The following EPHB1 variants were observed in gnomAD, a reference collection of about 807,000 sequenced individuals.
EPHB1 encodes the protein EPH receptor B1.
EPHB1 carries 30 observed loss-of-function variants against 94.4 expected under a neutral mutation model. The ratio of observed to expected loss-of-function variants is 0.32; its 90% CI spans 0.24 to 0.43. EPHB1 has a LOEUF of 0.43. Among genes scored for constraint, EPHB1 ranks in the 20% least tolerant of loss-of-function variants. EPHB1 has a pLI of 1.00. For missense variants in EPHB1, 1,055 were observed against 1,308.3 expected, an observed-to-expected ratio of 0.81 and a Z score of 2.99; for synonymous variants, 522 against 489.1, an observed-to-expected ratio of 1.07 and a Z score of -0.89.
chr3:135,005,614 C>G (rs530786741), intron 3 of EPHB1, among the ~76,000 whole-genome samples: 1 of 152,342 alleles, frequency 6.6e-6, no homozygotes, highest in East Asian at 1.9e-4. Context: ...AGCGAGACTC[C>G]GTGGGTGTAG....
At chr3:134,928,586 T>A (rs2038842171) in intron 2 of EPHB1, among the ~76,000 whole-genome samples, 2 of 151,812 alleles carry the variant, frequency 1.3e-5, no homozygotes, top group South Asian at 4.2e-4. Context: ...TATGCTTGGG[T>A]GGGAAGAGGA....
At chr3:135,178,183 G>A (rs4569681) in intron 9 of EPHB1, among the ~76,000 whole-genome samples, 39,519 of 148,282 alleles carry the variant, frequency 0.27, 5,607 homozygotes, top group East Asian at 0.49. Flanking sequence ...GCCAGGCGTG[G>A]TGACTCACAC....
intron 3 of EPHB1, among the ~76,000 whole-genome samples, chr3:134,952,316 T>C (rs1410194055): frequency 6.6e-6 from 1 of 151,988 alleles, no homozygotes; most frequent in Non-Finnish European, 1.5e-5. Context: ...CAGTCCATAA[T>C]ATTTAGTGTT....
intron 1 of EPHB1, among the ~76,000 whole-genome samples, chr3:134,810,345 G>A (rs1400319929): frequency 1.3e-5 from 2 of 151,246 alleles, no homozygotes; most frequent in African/African-American, 2.4e-5. Flanking sequence ...CAGTGACACT[G>A]GACCATTTAG....
At chr3:134,897,452 C>T (rs754178809) in intron 1 of EPHB1, among the ~76,000 whole-genome samples, 4 of 152,184 alleles carry the variant, frequency 2.6e-5, no homozygotes, top group Non-Finnish European at 4.4e-5. Context: ...TTACATCACA[C>T]GCAGGCCTCT....
chr3:135,249,282 A>T, intron 14 of EPHB1, 54 bp from the exon 15 acceptor site: 1 of 1,551,584 alleles, frequency 6.4e-7, no homozygotes, highest in South Asian at 1.2e-5. Flanking sequence ...AGACTGGGGC[A>T]CTGTCCATGC....
intron 10 of EPHB1, among the ~76,000 whole-genome samples, chr3:135,191,840 CG>C (rs1942464621): frequency 6.6e-6 from 1 of 152,206 alleles, no homozygotes; most frequent in South Asian, 2.1e-4. Context: ...GGGTCGGCCC[CG>C]GCTTTCCTGC....
At chr3:135,118,674 A>G (rs1939811862) in intron 4 of EPHB1, among the ~76,000 whole-genome samples, 1 of 152,170 alleles carries the variant, frequency 6.6e-6, no homozygotes, top group South Asian at 2.1e-4. Flanking sequence ...ATGGGGAAGG[A>G]TCACATTTTG....
intron 1 of EPHB1, among the ~76,000 whole-genome samples, chr3:134,888,225 A>T (rs1338554988): frequency 6.6e-6 from 1 of 152,102 alleles, no homozygotes; most frequent in Non-Finnish European, 1.5e-5. Context: ...ACTGAGTCGG[A>T]CTTGGGGAAA....
At chr3:135,132,649 CAA>C in intron 4 of EPHB1, 63 bp from the exon 5 acceptor site, 3 of 1,424,658 alleles carry the variant, frequency 2.1e-6, no homozygotes, top group Non-Finnish European at 2.8e-6. Context: ...CAGAGGCAGA[CAA>C]GAGAGCTGCC....
intron 1 of EPHB1, among the ~76,000 whole-genome samples, chr3:134,862,959 C>T (rs942480155): frequency 9.2e-5 from 14 of 152,176 alleles, no homozygotes; most frequent in Non-Finnish European, 1.5e-4. Context: ...CTCAGTGGTA[C>T]GGCTTTTCTG....
At chr3:134,824,137 T>TCC (rs1419786544) in intron 1 of EPHB1, among the ~76,000 whole-genome samples, 5 of 146,028 alleles carry the variant, frequency 3.4e-5, no homozygotes, top group South Asian at 2.2e-4. Flanking sequence ...TTTTTTTTTT[T>TCC]TTTTTTTTTT....
intron 1 of EPHB1, among the ~76,000 whole-genome samples, chr3:134,801,173 A>G (rs758970864): frequency 2.6e-5 from 4 of 152,182 alleles, no homozygotes; most frequent in Non-Finnish European, 2.9e-5. Flanking sequence ...AACACTTCAG[A>G]TCAAGCTCCA....
chr3:134,958,795 G>C (rs1156597574), intron 3 of EPHB1, among the ~76,000 whole-genome samples: 1 of 152,162 alleles, frequency 6.6e-6, no homozygotes, highest in East Asian at 1.9e-4. Context: ...CAACAGCACA[G>C]GGAGCTGGAA....
intron 3 of EPHB1, among the ~76,000 whole-genome samples, chr3:135,083,605 G>A (rs915578691): frequency 1.3e-5 from 2 of 151,894 alleles, no homozygotes; most frequent in African/African-American, 4.8e-5. Flanking sequence ...AGTAAGGGGA[G>A]TGTATGGAGG....
rs1227753979 is a variant in EPHB1, at chr3:134,918,469, G to GTTACA, written c.59-7344_59-7340dup. Among the ~76,000 whole-genome samples the GTTACA allele has an allele frequency of 3.3e-5, 5 of 152,318 alleles. No individual in the cohort carries two copies. In the East Asian group the frequency reaches 9.6e-4, roughly 29 times the overall value. ...TGAAAGAGTAATTTTCTGAAAATTA[G>GTTACA]TTACATTTTTATTTCTGAATTTGTG... On this transcript the variant is annotated intron_variant, in intron 1 of 15. Coordinates refer to ENST00000398015, the MANE Select transcript of EPHB1 (RefSeq NM_004441.5).
chr3:134,861,771 C>T (rs2037265257), intron 1 of EPHB1, among the ~76,000 whole-genome samples: 1 of 151,988 alleles, frequency 6.6e-6, no homozygotes, highest in Non-Finnish European at 1.5e-5. Context: ...GCATGCAGGG[C>T]TTAATAACTA....
intron 1 of EPHB1, chr3:134,841,617 A>C (rs769923965): frequency 3.3e-5 from 5 of 152,166 alleles, no homozygotes; most frequent in Non-Finnish European, 7.3e-5. Flanking sequence ...ACACCCTCTC[A>C]CTCAAAAGAG....
At chr3:135,135,182 T>G (rs1940573979) in intron 5 of EPHB1, among the ~76,000 whole-genome samples, 1 of 152,136 alleles carries the variant, frequency 6.6e-6, no homozygotes, top group Non-Finnish European at 1.5e-5. Flanking sequence ...TTGGTAACTC[T>G]GGAATTCTGG....
Sources: allele counts gnomAD v4.1 joint callset (sites outside exome capture counted in the v4.1 genomes callset), GRCh38; gene constraint gnomAD v4.1.1; transcripts MANE v1.5; gene names NCBI Gene and HGNC (gene_info 2026-07-23, HGNC 2026-07-21).